SGPP1: variants seen among roughly 807,000 people sequenced by gnomAD.
SGPP1 encodes sphingosine-1-phosphate phosphatase 1, also known as hSPP1.
A neutral mutation model predicts 33.0 loss-of-function variants in SGPP1; 21 were observed. The observed-to-expected ratio is 0.64, with a 90% confidence interval of 0.45 to 0.92. The LOEUF (loss-of-function observed/expected upper bound fraction) is 0.92, where lower values mean the gene tolerates loss of function less well. Ranked by LOEUF, SGPP1 falls within the 40% of genes least tolerant of loss-of-function variation. The pLI, the probability that SGPP1 is intolerant of heterozygous loss-of-function variation, is 0.00. For synonymous variants in SGPP1, 239 were observed against 241.2 expected (o/e 0.99, Z 0.08); for missense variants, 543 against 589.4 (o/e 0.92, Z 0.81).
Position 63,727,894 on chromosome 14 carries a change from C to T in SGPP1, c.51G>A (p.Pro17=), listed in dbSNP as rs1885925734. The T allele has an allele frequency of 2.6e-6, 4 of 1,532,728 alleles. No individual in the cohort carries two copies. Among genetic ancestry groups the T allele is most frequent in the East Asian group, 5.0e-5 (2 of 39,630 alleles). The allele number at this position is 1,532,728 out of a possible 1,614,324, so 94.9% of individuals were successfully genotyped here. ...LAQLVGRLQD[P]QKVARFQRLC... ...GCCGCTGGAAACGGGCCACTTTCTG[C>T]GGGTCCTGCAGACGGCCAACCAGCT... is the stretch of plus-strand genomic sequence containing the variant. Residue 17 remains proline, a synonymous_variant, in exon 1 of 3, where the codon CCG becomes CCA. Coordinates refer to ENST00000247225, the MANE Select transcript of SGPP1 (RefSeq NM_030791.4).
At chr14:63,699,229 G>C (rs1885248648) in intron 1 of SGPP1, among the ~76,000 whole-genome samples, 1 of 152,104 alleles carries the variant, frequency 6.6e-6, no homozygotes, top group Non-Finnish European at 1.5e-5. Flanking sequence ...AATTTCCGTG[G>C]AATACTAGGA....
chr14:63,703,521 C>T lies in SGPP1; in HGVS notation c.685-4863G>A, dbSNP rs144685371. Among the ~76,000 whole-genome samples, 678 of 151,818 alleles carry T rather than the reference C, an allele frequency of 4.5e-3. 6 individuals carry two copies. Among genetic ancestry groups the T allele is most frequent in the African/African-American group, 0.015 (641 of 41,410 alleles). ...TACAAAAATTAGCTGGGCGTGGTGG[C>T]GCGTGCCTGTAGTCCCAGCTACTTG... is the stretch of plus-strand genomic sequence containing the variant. On this transcript the variant is annotated intron_variant, in intron 1 of 2. Transcript: ENST00000247225.
chr14:63,722,726 G>A (rs1031274146), intron 1 of SGPP1, among the ~76,000 whole-genome samples: 1 of 151,896 alleles, frequency 6.6e-6, no homozygotes, highest in Non-Finnish European at 1.5e-5. Flanking sequence ...AGCACTTTGG[G>A]AGGCCGAGGT....
intron 1 of SGPP1, among the ~76,000 whole-genome samples, chr14:63,716,565 C>A (rs943672118): frequency 6.6e-6 from 1 of 152,040 alleles, no homozygotes; most frequent in Non-Finnish European, 1.5e-5. Flanking sequence ...TGGTGGCACA[C>A]ACCTGCAGTC....
At chr14:63,711,431 A>T (rs746554843) in intron 1 of SGPP1, among the ~76,000 whole-genome samples, 1 of 152,192 alleles carries the variant, frequency 6.6e-6, no homozygotes, top group Non-Finnish European at 1.5e-5. Flanking sequence ...TATACAAAGA[A>T]AAGTTTATTT....
chr14:63,717,977 G>A (rs1366076254), intron 1 of SGPP1, among the ~76,000 whole-genome samples: 1 of 152,162 alleles, frequency 6.6e-6, no homozygotes, highest in Admixed American at 6.6e-5. Context: ...CGGGCACAGT[G>A]GTTTACAACT....
intron 2 of SGPP1, among the ~76,000 whole-genome samples, chr14:63,689,225 C>T (rs1393738330): frequency 6.6e-6 from 1 of 152,132 alleles, no homozygotes; most frequent in Admixed American, 6.5e-5. Flanking sequence ...TACTGTTGTG[C>T]TGTTTCTCAA....
At chr14:63,725,880 A>T (rs1035883403) in intron 1 of SGPP1, among the ~76,000 whole-genome samples, 1 of 152,234 alleles carries the variant, frequency 6.6e-6, no homozygotes, top group African/African-American at 2.4e-5. Context: ...ATCAGCTAAC[A>T]TCACCAGGCC....
intron 1 of SGPP1, among the ~76,000 whole-genome samples, chr14:63,719,411 T>A (rs1885721488): frequency 6.6e-6 from 1 of 152,100 alleles, no homozygotes; most frequent in South Asian, 2.1e-4. Flanking sequence ...GATACTCTCA[T>A]ACATTTCCAG....
chr14:63,688,685 C>T (rs1241721768), intron 2 of SGPP1, among the ~76,000 whole-genome samples: 1 of 151,372 alleles, frequency 6.6e-6, no homozygotes, highest in African/African-American at 2.4e-5. Flanking sequence ...TTCATGGATA[C>T]TAGAGGTCTT....
chr14:63,724,969 T>A (rs1487773980), intron 1 of SGPP1, among the ~76,000 whole-genome samples: 1 of 150,168 alleles, frequency 6.7e-6, no homozygotes, highest in Non-Finnish European at 1.5e-5. Flanking sequence ...CTAGGCAATA[T>A]AGTGAGACCC....
intron 1 of SGPP1, among the ~76,000 whole-genome samples, chr14:63,719,960 C>CAA (rs767407041): frequency 4.7e-5 from 5 of 105,910 alleles, no homozygotes; most frequent in East Asian, 5.2e-4. Context: ...ACTGAAAATA[C>CAA]AAAAAAAAAA....
In SGPP1 at chr14:63,700,530, T is replaced by A. The variant is rs1349666913; in HGVS notation, c.685-1872A>T. Among the ~76,000 whole-genome samples the A allele has an allele frequency of 2.6e-5, 4 of 152,204 alleles. No homozygotes were observed. In the East Asian group the frequency reaches 7.7e-4, roughly 29 times the overall value. On this transcript the variant is annotated intron_variant, in intron 1 of 2. Transcript: ENST00000247225. ...TCTAAATATTCCTTGGGAGAATAATTATATTCTTTTCTGGGAGTATAAGTT... is the reference window on the plus strand; with the variant it reads ...TCTAAATATTCCTTGGGAGAATAATAATATTCTTTTCTGGGAGTATAAGTT...
chr14:63,717,272 G>C (rs1393842894), intron 1 of SGPP1, among the ~76,000 whole-genome samples: 1 of 149,898 alleles, frequency 6.7e-6, no homozygotes, highest in Non-Finnish European at 1.5e-5. Flanking sequence ...AGAGCTTCAG[G>C]GACCTGTGAA....
chr14:63,702,394 T>C (rs1885317452), intron 1 of SGPP1, among the ~76,000 whole-genome samples: 1 of 152,054 alleles, frequency 6.6e-6, no homozygotes, highest in Admixed American at 6.6e-5. Context: ...ATATGTTCTC[T>C]AGATTTTTTT....
In SGPP1 at chr14:63,723,105, ATT is replaced by A. The variant is rs545233318; in HGVS notation, c.684+4154_684+4155del. Among the ~76,000 whole-genome samples the A allele has an allele frequency of 1.3e-3, 196 of 152,292 alleles. 1 individual carries two copies. The highest frequency in any genetic ancestry group is 1.9e-3 in the Non-Finnish European group (132 of 68,006). On this transcript the variant is annotated intron_variant, in intron 1 of 2. Coordinates refer to ENST00000247225, the MANE Select transcript of SGPP1 (RefSeq NM_030791.4). ...AGAGCTTTAAAAATTAAGAAATTTT[ATT>A]TTTGAAAAGAACATGCAAACATAAA...
At chr14:63,700,363 C>T (rs1309007690) in intron 1 of SGPP1, among the ~76,000 whole-genome samples, 2 of 152,166 alleles carry the variant, frequency 1.3e-5, no homozygotes, top group African/African-American at 4.8e-5. Flanking sequence ...TCATATCACC[C>T]ACACTTGTTC....
At chr14:63,706,302 G>C (rs962820722) in intron 1 of SGPP1, among the ~76,000 whole-genome samples, 1 of 152,152 alleles carries the variant, frequency 6.6e-6, no homozygotes, top group Non-Finnish European at 1.5e-5. Context: ...AATGCTTAAT[G>C]GGAAGAGGGT....
In SGPP1 at chr14:63,727,835, G is replaced by C. The variant is rs200531351; in HGVS notation, c.110C>G (p.Ala37Gly). 265 of 1,512,146 alleles carry C rather than the reference G, an allele frequency of 1.8e-4. No homozygotes were observed. The African/African-American group carries it at 3.0e-3, about 17-fold the overall frequency. The allele number at this position is 1,512,146 out of a possible 1,614,324, so 93.7% of individuals were successfully genotyped here. ...CGCTTTCTCATCCTCCCTCCGGTCT[G>C]CTGAGCGGCGCGGCGGCGCTTCCAC... ...CGVEAPPRRSADRREDEKAEA... is the reference protein window; with the variant it reads ...CGVEAPPRRSGDRREDEKAEA... The change falls in exon 1 of 3, where the codon GCA (alanine) becomes GGA (glycine). Residue 37 changes from alanine (A) to glycine (G), a missense_variant. Ala to Gly is a moderately conservative substitution (Grantham distance 60). Transcript: ENST00000247225.
Sources: gnomAD v4.1 joint callset for allele counts (sites outside exome capture counted in the v4.1 genomes callset) on GRCh38, gnomAD v4.1.1 for gene constraint, MANE v1.5 for transcripts, NCBI Gene and HGNC (gene_info 2026-07-23, HGNC 2026-07-21) for gene names.